IL1RAPL2: variants seen among roughly 807,000 people sequenced by gnomAD.
IL1RAPL2 encodes the protein interleukin 1 receptor accessory protein like 2.
A neutral mutation model predicts 44.1 loss-of-function variants in IL1RAPL2; 3 were observed. The ratio of observed to expected loss-of-function variants is 0.07; its 90% CI spans 0.03 to 0.18. The LOEUF is 0.18. Ranked by LOEUF, IL1RAPL2 falls within the 10% of genes least tolerant of loss-of-function variation. The pLI, the probability that IL1RAPL2 is intolerant of heterozygous loss-of-function variation, is 1.00. For missense variants in IL1RAPL2, 391 were observed against 496.4 expected, an observed-to-expected ratio of 0.79 and a Z score of 2.02; for synonymous variants, 181 against 178.8, an observed-to-expected ratio of 1.01 and a Z score of -0.10.
At chrX:104,734,810 T>G in intron 2 of IL1RAPL2, among the ~76,000 whole-genome samples, 1 of 111,847 alleles carries the variant, frequency 8.9e-6, no homozygotes, top group Non-Finnish European at 1.9e-5. Flanking sequence ...ATTTAAAAAT[T>G]TAAAAATTAC....
intron 2 of IL1RAPL2, among the ~76,000 whole-genome samples, chrX:104,756,296 C>A (rs1474126984): frequency 9.0e-6 from 1 of 111,259 alleles, no homozygotes; most frequent in Non-Finnish European, 1.9e-5. Flanking sequence ...CTTTCTAGGG[C>A]TTTTCACCCA....
At chrX:105,467,858 C>T (rs2036141217) in intron 5 of IL1RAPL2, among the ~76,000 whole-genome samples, 1 of 111,515 alleles carries the variant, frequency 9.0e-6, no homozygotes, top group South Asian at 3.7e-4. Flanking sequence ...TCCTCAAACT[C>T]GCCTTATCAT....
intron 2 of IL1RAPL2, among the ~76,000 whole-genome samples, chrX:105,033,123 A>G (rs1428252281): frequency 1.8e-5 from 2 of 111,271 alleles, no homozygotes; most frequent in African/African-American, 6.6e-5. Context: ...GTGTCTCTGC[A>G]CGTGAGATGG....
chrX:104,891,431 G>A (rs1405131377), intron 2 of IL1RAPL2, among the ~76,000 whole-genome samples: 1 of 112,085 alleles, frequency 8.9e-6, no homozygotes, highest in Admixed American at 9.5e-5. Context: ...CTATCCATGA[G>A]CATGGAATGT....
intron 4 of IL1RAPL2, among the ~76,000 whole-genome samples, chrX:105,257,539 A>C (rs973707620): frequency 5.4e-5 from 6 of 111,937 alleles, no homozygotes; most frequent in African/African-American, 2.0e-4. Flanking sequence ...TGGGGTGTTG[A>C]AGTCTCCCAC....
At chrX:105,536,251 T>C (rs947217966) in intron 6 of IL1RAPL2, among the ~76,000 whole-genome samples, 12 of 110,692 alleles carry the variant, frequency 1.1e-4, no homozygotes, top group Admixed American at 7.7e-4. Flanking sequence ...TCTGTACTTA[T>C]AATCTGGGAA....
chrX:105,377,211 G>A (rs1336505264), intron 5 of IL1RAPL2, among the ~76,000 whole-genome samples: 4 of 111,398 alleles, frequency 3.6e-5, no homozygotes, highest in African/African-American at 6.5e-5. Flanking sequence ...TCTCCTCTTC[G>A]TAATGTGTTT....
chrX:104,678,768 G>A (rs1025269752), intron 2 of IL1RAPL2, among the ~76,000 whole-genome samples: 2 of 111,179 alleles, frequency 1.8e-5, no homozygotes, highest in South Asian at 7.7e-4. Context: ...GACACAAGGA[G>A]AACAAGGAGA....
chrX:105,234,630 G>A (rs1167487621), intron 4 of IL1RAPL2, among the ~76,000 whole-genome samples: 1 of 109,995 alleles, frequency 9.1e-6, no homozygotes, highest in African/African-American at 3.3e-5. Context: ...CCAATATGGT[G>A]AAACCTCATC....
intron 7 of IL1RAPL2, among the ~76,000 whole-genome samples, chrX:105,735,095 TTTTTTC>T (rs2038436821): frequency 8.9e-6 from 1 of 111,781 alleles, no homozygotes; most frequent in Admixed American, 9.5e-5. Flanking sequence ...GTTTGTTCAC[TTTTTTC>T]TTTTTGTGAG....
chrX:104,681,526 A>T (rs1930891555), intron 2 of IL1RAPL2, among the ~76,000 whole-genome samples: 1 of 112,722 alleles, frequency 8.9e-6, no homozygotes, highest in African/African-American at 3.2e-5. Flanking sequence ...GGAATAAAGA[A>T]GTCTAAGGAT....
chrX:105,699,410 T>A lies in IL1RAPL2; in HGVS notation c.773-17957T>A, dbSNP rs210430. On this transcript the variant is annotated intron_variant, in intron 6 of 10. Coordinates refer to ENST00000372582, the MANE Select transcript of IL1RAPL2 (RefSeq NM_017416.2). ...CTTCCATGCTCTAGGGATGTAGCGA[T>A]GAACTTCACACATAAAAATCCTTGC... Among the ~76,000 whole-genome samples the A allele has an allele frequency of 8.4e-3, 943 of 111,797 alleles. 10 individuals are homozygous for A. Among genetic ancestry groups the A allele is most frequent in the South Asian group, 0.066 (175 of 2,656 alleles).
chrX:104,911,222 A>G (rs1924228449), intron 2 of IL1RAPL2, among the ~76,000 whole-genome samples: 1 of 111,915 alleles, frequency 8.9e-6, no homozygotes, highest in Admixed American at 9.5e-5. Flanking sequence ...ATTTTCTCTA[A>G]CTGTCAAGAA....
intron 5 of IL1RAPL2, among the ~76,000 whole-genome samples, chrX:105,357,956 G>T (rs774194191): frequency 3.9e-5 from 4 of 101,612 alleles, no homozygotes; most frequent in South Asian, 9.6e-4. Flanking sequence ...GATTGCTTGA[G>T]CCCAAGAGTT....
intron 2 of IL1RAPL2, among the ~76,000 whole-genome samples, chrX:105,022,708 C>T (rs1357027505): frequency 1.8e-5 from 2 of 111,135 alleles, no homozygotes; most frequent in Non-Finnish European, 3.8e-5. Context: ...TCCCCTATTA[C>T]AGTGGCTCCT....
At chrX:105,463,363 T>C (rs772612756) in intron 5 of IL1RAPL2, among the ~76,000 whole-genome samples, 1 of 111,378 alleles carries the variant, frequency 9.0e-6, no homozygotes, top group African/African-American at 3.3e-5. Flanking sequence ...TTGAAGGAAT[T>C]GTATTATTGA....
At chrX:104,711,176 T>C (rs1472123932) in intron 2 of IL1RAPL2, among the ~76,000 whole-genome samples, 2 of 111,590 alleles carry the variant, frequency 1.8e-5, no homozygotes, top group African/African-American at 6.5e-5. Flanking sequence ...TGTATACATG[T>C]GTAGCCTAGG....
At chrX:105,377,313 G>A (rs991580839) in intron 5 of IL1RAPL2, among the ~76,000 whole-genome samples, 12 of 109,884 alleles carry the variant, frequency 1.1e-4, no homozygotes, top group African/African-American at 3.0e-4. Context: ...ATTTATTTTT[G>A]TCAGACCCTT....
rs775209498 is a variant in IL1RAPL2 at position 104,783,405 on chromosome X, A to T, written c.82+124410A>T. Among the ~76,000 whole-genome samples the T allele has an allele frequency of 1.5e-3, 171 of 110,819 alleles. 1 individual carries two copies. Among genetic ancestry groups the T allele is most frequent in the African/African-American group, 5.2e-3 (159 of 30,475 alleles). On this transcript the variant is annotated intron_variant, in intron 2 of 10. Transcript: ENST00000372582. ...CAGTTGCCCAGGTTTATCTCTATAA[A>T]CCAGAATCAACACCAACCGACTCTT... is the stretch of plus-strand genomic sequence containing the variant.
Sources: gnomAD v4.1 joint callset for allele counts (sites outside exome capture counted in the v4.1 genomes callset) on GRCh38, gnomAD v4.1.1 for gene constraint, MANE v1.5 for transcripts, NCBI Gene and HGNC (gene_info 2026-07-23, HGNC 2026-07-21) for gene names.